The following BMPR1A variants were observed in gnomAD, a reference collection of about 807,000 sequenced individuals.
BMPR1A encodes bone morphogenetic protein receptor type-1A.
BMPR1A carries 7 observed loss-of-function variants against 66.0 expected under a neutral mutation model. The ratio of observed to expected loss-of-function variants is 0.11; its 90% confidence interval spans 0.06 to 0.20. BMPR1A has a LOEUF of 0.20. Among genes scored for constraint, BMPR1A ranks in the 10% least tolerant of loss-of-function variants. The pLI is 1.00. For missense variants in BMPR1A, 408 were observed against 669.1 expected (o/e 0.61, Z 4.31); for synonymous variants, 200 against 229.7 (o/e 0.87, Z 1.17).
At chr10:86,805,377 TACACACACAC>T (rs60828047) in intron 1 of BMPR1A, among the ~76,000 whole-genome samples, 6 of 142,984 alleles carry the variant, frequency 4.2e-5, no homozygotes, top group African/African-American at 7.8e-5. Context: ...CTCCTACCTG[TACACACACAC>T]ACACACACAC....
chr10:86,835,706 G>C (rs1237202060), intron 1 of BMPR1A, among the ~76,000 whole-genome samples: 1 of 151,336 alleles, frequency 6.6e-6, no homozygotes, highest in African/African-American at 2.4e-5. Flanking sequence ...TAACTGTTAT[G>C]ATATCCATAA....
At chr10:86,831,324 G>T (rs1416594782) in intron 1 of BMPR1A, among the ~76,000 whole-genome samples, 2 of 151,902 alleles carry the variant, frequency 1.3e-5, no homozygotes, top group Admixed American at 6.6e-5. Context: ...TCGATATTTG[G>T]GATGTCTTTT....
At chr10:86,766,530 A>G (rs1381773573) in intron 1 of BMPR1A, among the ~76,000 whole-genome samples, 1 of 152,156 alleles carries the variant, frequency 6.6e-6, no homozygotes. Context: ...GAAAGTGCCA[A>G]GCCACCCTGC....
intron 3 of BMPR1A, among the ~76,000 whole-genome samples, chr10:86,886,816 C>T (rs953450474): frequency 2.8e-5 from 4 of 145,088 alleles, no homozygotes; most frequent in Admixed American, 7.2e-5. Flanking sequence ...TAAACACCTC[C>T]GTATTTTGTC....
At chr10:86,860,319 C>T (rs1265158701) in intron 2 of BMPR1A, among the ~76,000 whole-genome samples, 1 of 151,932 alleles carries the variant, frequency 6.6e-6, no homozygotes, top group African/African-American at 2.4e-5. Context: ...TATATAAAAA[C>T]AGTAAAGTTT....
intron 11 of BMPR1A, 34 bp downstream of exon 11, chr10:86,921,729 T>A (rs751725530): frequency 6.2e-7 from 1 of 1,613,874 alleles, no homozygotes; most frequent in Non-Finnish European, 8.5e-7. Context: ...TTATGTTGAT[T>A]TACTCATCAT....
At chr10:86,793,982 T>G (rs964169239) in intron 1 of BMPR1A, among the ~76,000 whole-genome samples, 2 of 152,164 alleles carry the variant, frequency 1.3e-5, no homozygotes, top group Admixed American at 6.5e-5. Context: ...CCTCCTGTCA[T>G]CTCTTTCCCA....
intron 2 of BMPR1A, among the ~76,000 whole-genome samples, chr10:86,872,747 ATTTG>A (rs1420523154): frequency 1.3e-5 from 2 of 151,702 alleles, no homozygotes; most frequent in Admixed American, 6.6e-5. Context: ...ATCATTCCAG[ATTTG>A]TTTGTTTGTT....
chr10:86,861,292 G>C (rs539554926), intron 2 of BMPR1A, among the ~76,000 whole-genome samples: 1 of 152,326 alleles, frequency 6.6e-6, no homozygotes, highest in African/African-American at 2.4e-5. Flanking sequence ...CATACAGCAG[G>C]AATCTGTCAT....
chr10:86,907,609 G>A (rs946321687), intron 7 of BMPR1A, among the ~76,000 whole-genome samples: 2 of 152,214 alleles, frequency 1.3e-5, no homozygotes, highest in African/African-American at 4.8e-5. Context: ...AGAAAATGTG[G>A]TCCATACAGT....
rs186999445 is a variant in BMPR1A, at chr10:86,917,128, A to G, written c.676-6A>G. 3.1e-6 allele frequency: 5 copies of G among 1,613,700 alleles called. No individual in the cohort carries two copies. Among genetic ancestry groups the G allele is most frequent in the Admixed American group, 1.7e-5 (1 of 59,958 alleles). On this transcript the variant is annotated splice_region_variant and splice_polypyrimidine_tract_variant and intron_variant, in intron 8 of 12. Transcript: ENST00000372037. ...GAGCTCAAACCTTTTACTTTTTTCTATAAAGGTTCAGCGAACTATTGCCAA... is the reference window on the plus strand; with the variant it reads ...GAGCTCAAACCTTTTACTTTTTTCTGTAAAGGTTCAGCGAACTATTGCCAA...
intron 1 of BMPR1A, among the ~76,000 whole-genome samples, chr10:86,758,308 A>T (rs1331076776): frequency 6.6e-6 from 1 of 151,808 alleles, no homozygotes; most frequent in Non-Finnish European, 1.5e-5. Flanking sequence ...ACTTAGCAGG[A>T]GCTCCTTCAT....
chr10:86,845,801 T>C (rs1035866315), intron 2 of BMPR1A, among the ~76,000 whole-genome samples: 1 of 151,958 alleles, frequency 6.6e-6, no homozygotes, highest in African/African-American at 2.4e-5. Flanking sequence ...ATCGAGACCA[T>C]CCTGGCTAAC....
chr10:86,846,074 G>C (rs1206984420), intron 2 of BMPR1A, among the ~76,000 whole-genome samples: 3 of 152,106 alleles, frequency 2.0e-5, no homozygotes, highest in Non-Finnish European at 4.4e-5. Context: ...TACCACTGCA[G>C]CTGGTCCTGA....
intron 1 of BMPR1A, among the ~76,000 whole-genome samples, chr10:86,762,700 A>G (rs373387669): frequency 2.0e-5 from 3 of 152,016 alleles, no homozygotes; most frequent in African/African-American, 7.3e-5. Context: ...TAGAGAAGAT[A>G]GACATTAAAT....
intron 2 of BMPR1A, among the ~76,000 whole-genome samples, chr10:86,873,613 T>C (rs1448952999): frequency 6.6e-6 from 1 of 152,028 alleles, no homozygotes; most frequent in Non-Finnish European, 1.5e-5. Context: ...TGGGTTTGAT[T>C]TAGACAGGTG....
chr10:86,790,227 AT>A lies in BMPR1A; in HGVS notation c.-268+33309del, dbSNP rs1564685671. On this transcript the variant is annotated intron_variant, in intron 1 of 12. Transcript: ENST00000372037. ...TATATATATATATATATATATATATATATATATATCAAAACCACAATGAGAT... is the reference window on the plus strand; with the variant it reads ...TATATATATATATATATATATATATAATATATATCAAAACCACAATGAGAT... 4.9e-4 allele frequency among the ~76,000 whole-genome samples: 48 copies of A among 97,646 alleles called. 7 individuals carry two copies. The highest frequency in any genetic ancestry group is 6.5e-4 in the African/African-American group (17 of 26,196). 64.1% of individuals were successfully genotyped at this position (97,646 alleles called of 152,430 possible). A position where few individuals can be genotyped will look rare whatever the true frequency, so the allele number is the denominator to read the frequency against.
chr10:86,826,252 A>G (rs890135813), intron 1 of BMPR1A, among the ~76,000 whole-genome samples: 17 of 152,194 alleles, frequency 1.1e-4, no homozygotes, highest in Non-Finnish European at 5.9e-5. Context: ...ATACAATATT[A>G]TCTAACATGT....
At chr10:86,852,398 C>T (rs748973137) in intron 2 of BMPR1A, among the ~76,000 whole-genome samples, 3 of 151,676 alleles carry the variant, frequency 2.0e-5, no homozygotes, top group Non-Finnish European at 2.9e-5. Context: ...TGAGACCCTG[C>T]GTCTACAAAA....
Sources: gnomAD v4.1 joint callset for allele counts (sites outside exome capture counted in the v4.1 genomes callset) on GRCh38, gnomAD v4.1.1 for gene constraint, MANE v1.5 for transcripts, NCBI Gene and HGNC (gene_info 2026-07-23, HGNC 2026-07-21) for gene names.